The following ANK2 variants were observed in gnomAD, a reference collection of about 807,000 sequenced individuals.
The protein encoded by ANK2 is ankyrin 2.
Under a neutral mutation model 360.5 loss-of-function variants are expected in ANK2, and 83 were observed. The ratio of observed to expected loss-of-function variants is 0.23; its 90% CI spans 0.19 to 0.28. ANK2 has a LOEUF of 0.28. Ranked by LOEUF, ANK2 falls within the 10% of genes least tolerant of loss-of-function variation. The probability of loss-of-function intolerance (pLI) is 1.00; values close to 1 mark genes in which losing one functional copy is unlikely to be tolerated. For missense variants in ANK2, 4,201 were observed against 4,795.7 expected, an observed-to-expected ratio of 0.88 and a Z score of 3.66; for synonymous variants, 1,740 against 1,759.5, an observed-to-expected ratio of 0.99 and a Z score of 0.28.
the ANK2 span, among the ~76,000 whole-genome samples, chr4:112,710,943 ATATT>A: frequency 5.6e-5 from 8 of 142,552 alleles, no homozygotes; most frequent in African/African-American, 2.1e-4. Context: ...GATTACATTT[ATATT>A]TATTTATTTA....
intron 2 of ANK2, among the ~76,000 whole-genome samples, chr4:113,005,931 C>A (rs140190267): frequency 4.6e-5 from 7 of 152,262 alleles, no homozygotes; most frequent in Non-Finnish European, 7.4e-5. Context: ...CATGCTGGCT[C>A]CCCTTCACTT....
intron 2 of ANK2, among the ~76,000 whole-genome samples, chr4:113,192,434 C>T (rs1294342384): frequency 6.6e-6 from 1 of 152,194 alleles, no homozygotes; most frequent in South Asian, 2.1e-4. Context: ...CTCTGTCTTT[C>T]TTTATGCTAC....
upstream of ANK2, among the ~76,000 whole-genome samples, chr4:113,048,270 ATATATATTTTTTTTTTTT>A (rs2065331993): frequency 3.2e-5 from 2 of 62,300 alleles, no homozygotes; most frequent in East Asian, 3.9e-4. Context: ...ATATATATAT[ATATATATTTTTTTTTTTT>A]TTTTTTTTTT....
chr4:112,987,021 G>A (rs1378232143), intron 2 of ANK2, among the ~76,000 whole-genome samples: 1 of 152,282 alleles, frequency 6.6e-6, no homozygotes, highest in East Asian at 1.9e-4. Flanking sequence ...ACTAACAATA[G>A]CTGATGAGCT....
intron 4 of ANK2, among the ~76,000 whole-genome samples, chr4:113,207,851 C>A (rs951855393): frequency 6.6e-6 from 1 of 152,066 alleles, no homozygotes; most frequent in African/African-American, 2.4e-5. Context: ...ATGAGGTGGG[C>A]AGGGGGCATG....
rs1007445049 is a variant in ANK2 at position 113,287,651 on chromosome 4, A to C, written c.2126A>C (p.Asn709Thr). The change falls in exon 19 of 46, where the codon AAT becomes ACT. Residue 709 changes from asparagine (N) to threonine (T), a missense_variant. By Grantham distance (65) the Asn-to-Thr change is moderately conservative (BLOSUM62 0). This residue lies in a region of ANK2 where 1,268 missense variants were observed against 1,650.8 expected (regional missense o/e 0.77). Transcript: ENST00000357077. Reference protein sequence around the residue: ...LHLAAQEDKVNVADILTKHGA... With the variant: ...LHLAAQEDKVTVADILTKHGA... ...CTTGCAGCCCAGGAAGATAAAGTGA[A>C]TGTTGCTGATATTCTCACCAAGCAT... 1.9e-6 allele frequency: 3 copies of C among 1,613,678 alleles called. No individual in the cohort carries two copies. Among genetic ancestry groups the C allele is most frequent in the Non-Finnish European group, 2.5e-6 (3 of 1,179,620 alleles).
At chr4:113,143,402 C>G (rs2096716048) in intron 1 of ANK2, among the ~76,000 whole-genome samples, 1 of 148,582 alleles carries the variant, frequency 6.7e-6, no homozygotes, top group South Asian at 2.1e-4. Flanking sequence ...GGGGCATCTC[C>G]TGAATCTGCT....
In ANK2 at chr4:113,355,400, C is replaced by A. The variant is rs773152395; in HGVS notation, c.6782C>A (p.Thr2261Lys). Residue 2261 changes from threonine to lysine, a missense_variant, in exon 38 of 46, where the codon ACA becomes AAA. Coordinates refer to ENST00000357077, the MANE Select transcript of ANK2 (RefSeq NM_001148.6). ...PKKSEEQTGETKESTKTETTT... is the reference protein window; with the variant it reads ...PKKSEEQTGEKKESTKTETTT... Reference sequence around the variant, plus strand: ...AAAAGTGAGGAGCAAACTGGGGAAACAAAGGAAAGCACCAAGACAGAAACC... The same window carrying A: ...AAAAGTGAGGAGCAAACTGGGGAAAAAAAGGAAAGCACCAAGACAGAAACC... 6 of 1,613,896 alleles carry A rather than the reference C, an allele frequency of 3.7e-6. No individual in the cohort carries two copies. The South Asian group carries it at 6.6e-5, about 18-fold the overall frequency.
Position 113,381,481 on chromosome 4 carries a change from A to G in ANK2, c.*10A>G. ...GGACAACAATGAGTAAAGCCATCAC[A>G]CAGAAGAGGGCTGTGGTGAAGGACC... On this transcript the variant is annotated 3_prime_UTR_variant, in exon 46 of 46. Transcript: ENST00000357077. 1.2e-6 allele frequency: 2 copies of G among 1,614,110 alleles called. No individual in the cohort carries two copies. Among genetic ancestry groups the G allele is most frequent in the Non-Finnish European group, 1.7e-6 (2 of 1,180,006 alleles).
At chr4:112,983,019 A>C (rs924175538) in intron 2 of ANK2, among the ~76,000 whole-genome samples, 6 of 152,186 alleles carry the variant, frequency 3.9e-5, no homozygotes, top group African/African-American at 1.4e-4. Flanking sequence ...TGCATACCGC[A>C]TTTTAGCCAC....
At chr4:112,947,470 A>C (rs2094617331) in intron 2 of ANK2, among the ~76,000 whole-genome samples, 1 of 152,146 alleles carries the variant, frequency 6.6e-6, no homozygotes, top group Non-Finnish European at 1.5e-5. Flanking sequence ...TGAAACTTAC[A>C]AGTGTATTGT....
chr4:113,281,669 G>T (rs1199451812), intron 17 of ANK2, among the ~76,000 whole-genome samples: 1 of 152,104 alleles, frequency 6.6e-6, no homozygotes, highest in Admixed American at 6.5e-5. Context: ...ATTTTGAATG[G>T]AAAATTCTAC....
At chr4:113,034,738 C>T (rs2061213479) in intron 2 of ANK2, 1 of 151,920 alleles carries the variant, frequency 6.6e-6, no homozygotes, top group Non-Finnish European at 1.5e-5. Context: ...CTGGCTTAGG[C>T]TACCATGATG....
Position 113,355,123 on chromosome 4 carries a change from G to A in ANK2, c.6505G>A (p.Val2169Ile), listed in dbSNP as rs149292242. 189 of 1,613,968 alleles carry A rather than the reference G, an allele frequency of 1.2e-4. No homozygotes were observed. Among genetic ancestry groups the A allele is most frequent in the Non-Finnish European group, 1.5e-4 (177 of 1,179,984 alleles). Residue 2169 changes from valine (V) to isoleucine (I), a missense_variant, in exon 38 of 46, where the codon GTA becomes ATA. Physicochemically the swap from Val to Ile is conservative, Grantham distance 29. Around this residue, in one of 4 missense-constraint regions of ANK2, gnomAD observed 2,642 missense variants for 2,714.5 expected, o/e 0.97. Transcript: ENST00000357077. Reference protein sequence around the residue: ...TEKAQLHLDQVLTSPFNTTFP... With the variant: ...TEKAQLHLDQILTSPFNTTFP... ...AAAGGCACAGCTTCACTTAGACCAA[G>A]TACTCACTAGTCCTTTCAACACAAC...
intron 23 of ANK2, among the ~76,000 whole-genome samples, chr4:113,307,411 C>CG (rs2077713195): frequency 8.2e-6 from 1 of 122,604 alleles, no homozygotes; most frequent in Non-Finnish European, 1.6e-5. Context: ...AGCCATTCCA[C>CG]CTTTTTTTTT....
chr4:112,834,432 A>G (rs992135569), intron 1 of ANK2, among the ~76,000 whole-genome samples: 2 of 152,256 alleles, frequency 1.3e-5, no homozygotes, highest in African/African-American at 4.8e-5. Flanking sequence ...AAGTGCATGC[A>G]GATTCATTAT....
At chr4:112,882,712 T>A (rs543743636) in intron 1 of ANK2, among the ~76,000 whole-genome samples, 29 of 152,048 alleles carry the variant, frequency 1.9e-4, no homozygotes, top group African/African-American at 7.0e-4. Context: ...TTTTTTTTTT[T>A]TAAAATGAAG....
rs980498354 is a variant in ANK2 at position 113,223,058 on chromosome 4, C to T, written c.385-9103C>T. ...ATTAGTACCCATTGGTTTTTTACAT[C>T]CTTTGCAGCTGTGCCTTCACAATAT... On this transcript the variant is annotated intron_variant, in intron 4 of 45. Transcript: ENST00000357077. Among the ~76,000 whole-genome samples, 3 of 152,164 alleles carry T rather than the reference C, an allele frequency of 2.0e-5. 1 individual carries two copies. The highest frequency in any genetic ancestry group is 7.2e-5 in the African/African-American group (3 of 41,434).
chr4:112,949,854 T>G (rs542245488), intron 2 of ANK2, among the ~76,000 whole-genome samples: 1 of 152,194 alleles, frequency 6.6e-6, no homozygotes, highest in South Asian at 2.1e-4. Context: ...AAAGACAAAT[T>G]TTATAGTGGA....
Sources: allele counts gnomAD v4.1 joint callset (sites outside exome capture counted in the v4.1 genomes callset), GRCh38; gene constraint gnomAD v4.1.1; regional missense constraint gnomAD v4.1.1; transcripts MANE v1.5; gene names NCBI Gene and HGNC (gene_info 2026-07-23, HGNC 2026-07-21).